The following DGKI variants were observed in gnomAD, a reference collection of about 807,000 sequenced individuals.
The protein encoded by DGKI is DAG kinase iota.
DGKI carries 55 observed loss-of-function variants against 147.5 expected under a neutral mutation model. The ratio of observed to expected loss-of-function variants is 0.37; its 90% CI spans 0.30 to 0.47. The LOEUF is 0.47. Ranked by LOEUF, DGKI falls within the 20% of genes least tolerant of loss-of-function variation. DGKI has a pLI of 1.00. For missense variants in DGKI, 1,007 were observed against 1,323.8 expected (o/e 0.76, Z 3.71); for synonymous variants, 469 against 477.1 (o/e 0.98, Z 0.22).
intron 10 of DGKI, 89 bp downstream of exon 10, chr7:137,608,877 C>G (rs1397021425): frequency 7.0e-6 from 7 of 999,310 alleles, no homozygotes; most frequent in Non-Finnish European, 1.1e-5. Flanking sequence ...GCTTGGGATC[C>G]TAGTGGTACT....
At chr7:137,744,674 A>G (rs931721775) in intron 1 of DGKI, among the ~76,000 whole-genome samples, 2 of 152,184 alleles carry the variant, frequency 1.3e-5, no homozygotes, top group African/African-American at 4.8e-5. Flanking sequence ...ATCCAGCAGC[A>G]TATCAAAAAG....
At chr7:137,843,375 A>G (rs1330845865) in intron 1 of DGKI, 1 of 980,264 alleles carries the variant, frequency 1.0e-6, no homozygotes, top group African/African-American at 1.7e-5. Flanking sequence ...TAGTAATTTT[A>G]AAAGAAAAGT....
intron 1 of DGKI, among the ~76,000 whole-genome samples, chr7:137,789,369 A>G (rs1796776632): frequency 2.0e-5 from 3 of 152,196 alleles, no homozygotes; most frequent in Admixed American, 2.0e-4. Context: ...TCCCACTGAA[A>G]TGACTATAGT....
chr7:137,800,012 CA>C (rs1563203165), intron 1 of DGKI, among the ~76,000 whole-genome samples: 1 of 152,124 alleles, frequency 6.6e-6, no homozygotes. Flanking sequence ...AAACAGGAAG[CA>C]AATACCAGGG....
intron 30 of DGKI, among the ~76,000 whole-genome samples, chr7:137,402,784 T>C (rs1811808701): frequency 6.6e-6 from 1 of 152,040 alleles, no homozygotes; most frequent in South Asian, 2.1e-4. Context: ...GCACTGGGAA[T>C]GCTAACAGTA....
chr7:137,402,344 A>G (rs1811789429), intron 30 of DGKI, among the ~76,000 whole-genome samples: 2 of 152,246 alleles, frequency 1.3e-5, no homozygotes, highest in South Asian at 4.1e-4. Context: ...GCTAAGGGAA[A>G]GAAAATTCTG....
intron 23 of DGKI, among the ~76,000 whole-genome samples, chr7:137,484,251 G>C (rs552957493): frequency 6.6e-6 from 1 of 152,160 alleles, no homozygotes; most frequent in South Asian, 2.1e-4. Flanking sequence ...GGAATACCTA[G>C]AAGGCTACAA....
At chr7:137,510,175 G>T (rs1393260452) in intron 21 of DGKI, among the ~76,000 whole-genome samples, 2 of 152,212 alleles carry the variant, frequency 1.3e-5, no homozygotes, top group African/African-American at 4.8e-5. Context: ...ACCAAATAGT[G>T]CTATGACATG....
At chr7:137,743,546 A>C (rs1350163813) in intron 1 of DGKI, among the ~76,000 whole-genome samples, 1 of 152,226 alleles carries the variant, frequency 6.6e-6, no homozygotes, top group African/African-American at 2.4e-5. Flanking sequence ...GGTAAACAAC[A>C]AAAAATTAAG....
chr7:137,605,798 A>G (rs115534631), intron 10 of DGKI, among the ~76,000 whole-genome samples: 1 of 152,292 alleles, frequency 6.6e-6, no homozygotes, highest in African/African-American at 2.4e-5. Flanking sequence ...GATAGTTACC[A>G]AAGACTGGGA....
At chr7:137,577,397 T>A in intron 16 of DGKI, 113 bp from the exon 17 acceptor site, 1 of 757,964 alleles carries the variant, frequency 1.3e-6, no homozygotes, top group South Asian at 1.7e-5. Context: ...ATTCTAAACA[T>A]GTTCTCTTTC....
intron 5 of DGKI, among the ~76,000 whole-genome samples, chr7:137,649,763 A>G (rs1392388869): frequency 2.7e-5 from 4 of 147,866 alleles, no homozygotes; most frequent in South Asian, 4.2e-4. Flanking sequence ...AAAAAATTTT[A>G]TATATATATG....
At chr7:137,565,791 T>C (rs1416231193) in intron 19 of DGKI, among the ~76,000 whole-genome samples, 2 of 152,170 alleles carry the variant, frequency 1.3e-5, no homozygotes, top group African/African-American at 4.8e-5. Context: ...AATGTCTGAT[T>C]ATGGTCTGTG....
At chr7:137,667,895 C>T (rs1395121823) in intron 3 of DGKI, among the ~76,000 whole-genome samples, 2 of 152,136 alleles carry the variant, frequency 1.3e-5, no homozygotes, top group African/African-American at 4.8e-5. Flanking sequence ...ACATCATACC[C>T]ACAGAGATTT....
intron 8 of DGKI, among the ~76,000 whole-genome samples, chr7:137,613,496 T>G (rs2128994402): frequency 6.6e-6 from 1 of 152,254 alleles, no homozygotes; most frequent in South Asian, 2.1e-4. Context: ...TCAGGCAATT[T>G]TGAGGCTAAT....
In DGKI at chr7:137,629,082, A is replaced by T. The variant is rs547130655; in HGVS notation, c.805-5528T>A. On this transcript the variant is annotated intron_variant, in intron 6 of 32. Transcript: ENST00000614521. Reference sequence around the variant, plus strand: ...CAAAATAAACCTCTCCATATCCACTAGCGTGTCCAAGGCTCACAAAGTATT... The same window carrying T: ...CAAAATAAACCTCTCCATATCCACTTGCGTGTCCAAGGCTCACAAAGTATT... Among the ~76,000 whole-genome samples, 342 of 152,338 alleles carry T rather than the reference A, an allele frequency of 2.2e-3. 1 individual carries two copies. The highest frequency in any genetic ancestry group is 8.0e-3 in the African/African-American group (333 of 41,576).
At chr7:137,766,510 A>T (rs1184426068) in intron 1 of DGKI, among the ~76,000 whole-genome samples, 1 of 152,218 alleles carries the variant, frequency 6.6e-6, no homozygotes, top group East Asian at 1.9e-4. Context: ...TACAAATCTC[A>T]AAGAGCAAAA....
At chr7:137,757,995 C>A (rs180995987) in intron 1 of DGKI, among the ~76,000 whole-genome samples, 1 of 152,336 alleles carries the variant, frequency 6.6e-6, no homozygotes, top group East Asian at 1.9e-4. Context: ...TCTCTTTTCA[C>A]AGCTATTTAT....
intron 1 of DGKI, among the ~76,000 whole-genome samples, chr7:137,827,327 A>G (rs1359540445): frequency 1.3e-5 from 2 of 152,130 alleles, no homozygotes; most frequent in African/African-American, 4.8e-5. Context: ...ATGGCATTCA[A>G]AGTCCTCCAT....
Sources: gnomAD v4.1 joint callset for allele counts (sites outside exome capture counted in the v4.1 genomes callset) on GRCh38, gnomAD v4.1.1 for gene constraint, MANE v1.5 for transcripts, NCBI Gene and HGNC (gene_info 2026-07-23, HGNC 2026-07-21) for gene names.